PCSK2: variants seen among roughly 807,000 people sequenced by gnomAD.
The protein encoded by PCSK2 is neuroendocrine convertase 2.
Under a neutral mutation model 69.7 loss-of-function variants are expected in PCSK2, and 14 were observed. That is an observed-to-expected ratio of 0.20 (90% CI 0.13 to 0.31). The LOEUF is 0.31. Ranked by LOEUF, PCSK2 falls within the 10% of genes least tolerant of loss-of-function variation. The pLI is 1.00. For synonymous variants in PCSK2, 307 were observed against 320.7 expected (o/e 0.96, Z 0.46); for missense variants, 544 against 842.5 (o/e 0.65, Z 4.39).
intron 2 of PCSK2, among the ~76,000 whole-genome samples, chr20:17,355,410 C>T (rs2030159633): frequency 6.6e-6 from 1 of 152,116 alleles, no homozygotes; most frequent in Non-Finnish European, 1.5e-5. Context: ...GAAAGTCAAC[C>T]AAGGCCTCCG....
chr20:17,226,879 G>A (rs1157483974), upstream of PCSK2: 2 of 146,624 alleles, frequency 1.4e-5, no homozygotes, highest in African/African-American at 4.9e-5. Flanking sequence ...GGCGGGGGCG[G>A]GCCCGGGGCG....
At chr20:17,280,951 G>T (rs1988286180) in intron 2 of PCSK2, among the ~76,000 whole-genome samples, 1 of 152,148 alleles carries the variant, frequency 6.6e-6, no homozygotes, top group Non-Finnish European at 1.5e-5. Context: ...ATTTTCACTT[G>T]TCTGGAAGGT....
chr20:17,345,311 A>G (rs1990620599), intron 2 of PCSK2, among the ~76,000 whole-genome samples: 1 of 152,180 alleles, frequency 6.6e-6, no homozygotes, highest in Admixed American at 6.5e-5. Context: ...AGCCAGTGAC[A>G]TTTATAGTAT....
intron 2 of PCSK2, among the ~76,000 whole-genome samples, chr20:17,309,473 T>C (rs146975101): frequency 1.8e-4 from 27 of 152,338 alleles, no homozygotes; most frequent in African/African-American, 6.5e-4. Flanking sequence ...CATAGTGTAT[T>C]AGTATGTTCT....
chr20:17,264,332 C>A (rs1411528219), intron 2 of PCSK2, among the ~76,000 whole-genome samples: 1 of 152,108 alleles, frequency 6.6e-6, no homozygotes, highest in African/African-American at 2.4e-5. Context: ...CTAGACCATA[C>A]AATTATTCCT....
chr20:17,398,772 G>A (rs1189444266), intron 5 of PCSK2, among the ~76,000 whole-genome samples: 1 of 151,270 alleles, frequency 6.6e-6, no homozygotes, highest in Non-Finnish European at 1.5e-5. Context: ...TTTTTTTTAA[G>A]CTCCTGATGC....
chr20:17,378,500 C>T (rs1313294665), intron 5 of PCSK2, among the ~76,000 whole-genome samples: 1 of 152,196 alleles, frequency 6.6e-6, no homozygotes, highest in East Asian at 1.9e-4. Flanking sequence ...AACTCTTTTA[C>T]TCATGAGAGA....
At chr20:17,281,731 G>A (rs547447886) in intron 2 of PCSK2, among the ~76,000 whole-genome samples, 48 of 152,244 alleles carry the variant, frequency 3.2e-4, no homozygotes, top group African/African-American at 1.0e-3. Flanking sequence ...AGCAATTGCA[G>A]GCCATGGCCA....
intron 3 of PCSK2, among the ~76,000 whole-genome samples, chr20:17,359,807 A>G (rs2030328897): frequency 6.6e-6 from 1 of 152,024 alleles, no homozygotes; most frequent in Non-Finnish European, 1.5e-5. Flanking sequence ...TATTTTTTTT[A>G]CAATCCATCC....
intron 1 of PCSK2, among the ~76,000 whole-genome samples, chr20:17,247,184 G>A (rs1320294827): frequency 6.6e-6 from 1 of 152,150 alleles, no homozygotes; most frequent in East Asian, 1.9e-4. Flanking sequence ...GCCTACCCCA[G>A]ACCTAAATTC....
chr20:17,444,523 G>A (rs778429241), intron 8 of PCSK2, among the ~76,000 whole-genome samples: 3 of 152,128 alleles, frequency 2.0e-5, no homozygotes, highest in African/African-American at 2.4e-5. Context: ...CATTTTTCAC[G>A]TTGTATATGG....
intron 2 of PCSK2, among the ~76,000 whole-genome samples, chr20:17,314,196 C>A (rs1989605630): frequency 6.6e-6 from 1 of 152,148 alleles, no homozygotes; most frequent in South Asian, 2.1e-4. Flanking sequence ...GATAAATGGA[C>A]CTACCATTTA....
At chr20:17,353,658 A>G (rs2123201342) in intron 2 of PCSK2, among the ~76,000 whole-genome samples, 1 of 152,276 alleles carries the variant, frequency 6.6e-6, no homozygotes, top group Admixed American at 6.5e-5. Flanking sequence ...ACTCAAAGAA[A>G]AATAAATCAT....
intron 1 of PCSK2, among the ~76,000 whole-genome samples, chr20:17,259,704 T>C (rs980896927): frequency 1.3e-5 from 2 of 152,162 alleles, no homozygotes; most frequent in African/African-American, 4.8e-5. Context: ...GCCATCCAAC[T>C]GGTATTTACT....
intron 2 of PCSK2, among the ~76,000 whole-genome samples, chr20:17,276,477 C>CACACAT (rs1209745688): frequency 6.7e-6 from 1 of 149,510 alleles, no homozygotes; most frequent in Non-Finnish European, 1.5e-5. Flanking sequence ...CACACACACA[C>CACACAT]ACATACCATG....
At chr20:17,395,001 G>A (rs1568631870) in intron 5 of PCSK2, among the ~76,000 whole-genome samples, 1 of 152,122 alleles carries the variant, frequency 6.6e-6, no homozygotes, top group East Asian at 1.9e-4. Flanking sequence ...ACATAAACTT[G>A]GTCTTGTTCA....
intron 2 of PCSK2, among the ~76,000 whole-genome samples, chr20:17,344,501 A>C (rs1418732363): frequency 2.6e-5 from 4 of 152,244 alleles, no homozygotes; most frequent in Non-Finnish European, 5.9e-5. Context: ...TGAAGAAGAA[A>C]GAACTGAGGA....
chr20:17,440,688 C>T (rs1208742447), intron 8 of PCSK2, among the ~76,000 whole-genome samples: 1 of 152,092 alleles, frequency 6.6e-6, no homozygotes, highest in Admixed American at 6.5e-5. Flanking sequence ...TGGTGAAACC[C>T]CGTCTCTACT....
At chr20:17,370,017 A>G (rs183058299) in intron 5 of PCSK2, among the ~76,000 whole-genome samples, 1 of 152,286 alleles carries the variant, frequency 6.6e-6, no homozygotes, top group African/African-American at 2.4e-5. Context: ...CTAGAACCAC[A>G]CACTCTAACT....
Sources: allele counts gnomAD v4.1 joint callset (sites outside exome capture counted in the v4.1 genomes callset), GRCh38; gene constraint gnomAD v4.1.1; transcripts MANE v1.5; gene names NCBI Gene and HGNC (gene_info 2026-07-23, HGNC 2026-07-21).